Variants in ELP1 observed in about 807,000 individuals in gnomAD.
ELP1 encodes elongator acetyltransferase complex subunit 1, also known as elongator complex protein 1.
A neutral mutation model predicts 183.2 loss-of-function variants in ELP1; 131 were observed. That is an observed-to-expected ratio of 0.72 (90% CI 0.62 to 0.83). ELP1 has a LOEUF of 0.83. ELP1 is among the 40% of genes least tolerant of loss of function. ELP1 has a pLI of 0.00. For missense variants in ELP1, 1,550 were observed against 1,594.9 expected (o/e 0.97, Z 0.48); for synonymous variants, 555 against 569.0 (o/e 0.98, Z 0.35).
chr9:108,927,495 A>T (rs746146847), intron 3 of ELP1, 42 bp from the exon 4 acceptor site: 2 of 1,494,738 alleles, frequency 1.3e-6, no homozygotes, highest in Non-Finnish European at 1.9e-6. Flanking sequence ...AAACACTAGC[A>T]TCTCAGTAAA....
Position 108,934,087 on chromosome 9 carries a change from T to C in ELP1, c.-279A>G, listed in dbSNP as rs895110825. 3.9e-4 allele frequency: 77 copies of C among 195,604 alleles called. No homozygotes were observed. The highest frequency in any genetic ancestry group is 1.7e-3 in the African/African-American group (69 of 41,780). The allele number at this position is 195,604 out of a possible 1,614,324, so 12.1% of individuals were successfully genotyped here. ...CGCTGCAAAGAAGCCAGCGACTCAATGGGTGCGTCAACTAGGCAGCCGCAG... is the reference window on the plus strand; with the variant it reads ...CGCTGCAAAGAAGCCAGCGACTCAACGGGTGCGTCAACTAGGCAGCCGCAG... On this transcript the variant is annotated 5_prime_UTR_variant, in exon 1 of 37. Transcript: ENST00000374647.
rs752982596 is a variant in ELP1, at chr9:108,900,357, C to T, written c.2033G>A (p.Ser678Asn). ...ASFKTLQAGL[S>N]SNHVSHGEVL... ...TTCCCCATGGGACACATGATTGCTG[C>T]TCAGGCCGGCCTGTAATGCTAAACA... The change falls in exon 19 of 37, where the codon AGC (serine) becomes AAC (asparagine). Residue 678 changes from serine (S) to asparagine (N), a missense_variant. Transcript: ENST00000374647. The T allele has an allele frequency of 1.9e-6, 3 of 1,614,076 alleles. No individual in the cohort carries two copies. The highest frequency in any genetic ancestry group is 2.2e-5 in the East Asian group (1 of 44,882).
At position 108,900,008 on chromosome 9, in the gene ELP1, A is replaced by C. The variant is rs55969525; in HGVS notation, c.2131-113T>G. 59,165 of 925,228 alleles carry C rather than the reference A, an allele frequency of 0.064. 2,776 individuals carry two copies. The highest frequency in any genetic ancestry group is 0.2 in the African/African-American group (12,396 of 60,866). The allele number at this position is 925,228 out of a possible 1,614,324, so 57.3% of individuals were successfully genotyped here. On this transcript the variant is annotated intron_variant, in intron 19 of 36. Transcript: ENST00000374647. ...AGAATTACCACAACTCTCTAAAATC[A>C]GCACACTTTTAGCAGAATCTTGTTG... is the stretch of plus-strand genomic sequence containing the variant.
In ELP1 at chr9:108,878,021, T is replaced by A. The variant is rs753141812; in HGVS notation, c.3829A>T (p.Thr1277Ser). 1.9e-5 allele frequency: 30 copies of A among 1,614,094 alleles called. No homozygotes were observed. Among genetic ancestry groups the A allele is most frequent in the Non-Finnish European group, 2.5e-5 (30 of 1,180,040 alleles). ...ERSLPEIWTL[T>S]YQQNSATPVL... ...GGGGTAGCTGAATTCTGCTGGTAAG[T>A]AAGAGTCCAAATTTCTGGAAGTGAC... is the stretch of plus-strand genomic sequence containing the variant. Residue 1277 changes from threonine to serine, a missense_variant, in exon 35 of 37, where the codon ACT (threonine) becomes TCT (serine). By Grantham distance (58) the Thr-to-Ser change is moderately conservative. Coordinates refer to ENST00000374647, the MANE Select transcript of ELP1 (RefSeq NM_003640.5).
At position 108,929,906 on chromosome 9, in the gene ELP1, A is replaced by G; in HGVS notation, c.166T>C (p.Ser56Pro). Residue 56 changes from serine to proline, a missense_variant, in exon 3 of 37, where the codon TCT becomes CCT. Transcript: ENST00000374647. ...GGGAGAAAGCCTTCTGCCACCAAAG[A>G]AACTTCATTTTTCACCTTTCACCAA... ...PVSREVKNEV[S>P]LVAEGFLPED... 6 of 1,613,794 alleles carry G rather than the reference A, an allele frequency of 3.7e-6. No homozygotes were observed. The highest frequency in any genetic ancestry group is 5.1e-6 in the Non-Finnish European group (6 of 1,180,034).
At chr9:108,930,449 C>T (rs1461821900) in intron 2 of ELP1, among the ~76,000 whole-genome samples, 3 of 152,000 alleles carry the variant, frequency 2.0e-5, no homozygotes, top group Non-Finnish European at 2.9e-5. Context: ...CACTCTTGGC[C>T]GGGCGCTGAG....
At chr9:108,884,775 T>C (rs1828062012) in intron 29 of ELP1, among the ~76,000 whole-genome samples, 1 of 152,100 alleles carries the variant, frequency 6.6e-6, no homozygotes, top group East Asian at 1.9e-4. Flanking sequence ...TCATCTCAAA[T>C]CAATAGCTTT....
At chr9:108,877,921 A>G in intron 35 of ELP1, 74 bp downstream of exon 35, 2 of 1,503,414 alleles carry the variant, frequency 1.3e-6, no homozygotes, top group Admixed American at 1.7e-5. Flanking sequence ...AAACTTTTTG[A>G]CTTGGAGATT....
chr9:108,869,211 G>A, intron 36 of ELP1, 29 bp from the exon 37 acceptor site: 1 of 1,597,488 alleles, frequency 6.3e-7, no homozygotes, highest in Non-Finnish European at 8.6e-7. Flanking sequence ...GGGAAATTGT[G>A]ACAGACATAC....
intron 4 of ELP1, 62 bp from the exon 5 acceptor site, chr9:108,926,665 A>G: frequency 2.5e-6 from 3 of 1,187,722 alleles, no homozygotes. Context: ...ATTCCTAAGT[A>G]CCTATGGCAC....
intron 29 of ELP1, among the ~76,000 whole-genome samples, chr9:108,885,334 A>T (rs962904226): frequency 3.9e-5 from 6 of 152,144 alleles, no homozygotes; most frequent in African/African-American, 1.4e-4. Context: ...AAGACAGGAC[A>T]TCACCATAGA....
chr9:108,929,731 T>C (rs772286981), intron 3 of ELP1, 38 bp downstream of exon 3: 47 of 1,609,078 alleles, frequency 2.9e-5, no homozygotes, highest in Non-Finnish European at 3.7e-5. Context: ...TATTTGAGGA[T>C]GCTTGAGACT....
At chr9:108,924,059 C>G (rs1240269897) in intron 5 of ELP1, among the ~76,000 whole-genome samples, 1 of 152,146 alleles carries the variant, frequency 6.6e-6, no homozygotes, top group African/African-American at 2.4e-5. Context: ...TGGTGCAAAC[C>G]CCCAGGCTTC....
chr9:108,882,695 A>G (rs1028966928), intron 29 of ELP1, among the ~76,000 whole-genome samples: 2 of 151,360 alleles, frequency 1.3e-5, no homozygotes, highest in South Asian at 2.1e-4. Flanking sequence ...CCTGGCCCCA[A>G]GTGATCCTCC....
intron 16 of ELP1, 54 bp from the exon 17 acceptor site, chr9:108,901,735 C>G: frequency 6.6e-7 from 1 of 1,522,732 alleles, no homozygotes; most frequent in Non-Finnish European, 9.1e-7. Flanking sequence ...ATCAGTTAAA[C>G]CTACCTTTTC....
At chr9:108,876,149 G>C (rs10816754) in intron 35 of ELP1, among the ~76,000 whole-genome samples, 1 of 151,624 alleles carries the variant, frequency 6.6e-6, no homozygotes, top group Non-Finnish European at 1.5e-5. Context: ...TGTGGCATGC[G>C]CCTGTAGTCC....
At position 108,894,005 on chromosome 9, in the gene ELP1, C is replaced by A; in HGVS notation, c.2798G>T (p.Arg933Leu). ...TTTCAAGTATTTGTCTATAGTAAAC[C>A]GCTGATAATTAGTTTCCATTTTCTT... Reference protein sequence around the residue: ...TLKKMETNYQRFTIDKYLKRY... With the variant: ...TLKKMETNYQLFTIDKYLKRY... Residue 933 changes from arginine (R) to leucine (L), a missense_variant, in exon 26 of 37, where the codon CGG becomes CTG. Coordinates refer to ENST00000374647, the MANE Select transcript of ELP1 (RefSeq NM_003640.5). 4 of 1,602,268 alleles carry A rather than the reference C, an allele frequency of 2.5e-6. No homozygotes were observed. The highest frequency in any genetic ancestry group is 2.2e-5 in the East Asian group (1 of 44,770).
At position 108,906,433 on chromosome 9, in the gene ELP1, G is replaced by A. The variant is rs756159400; in HGVS notation, c.1513C>T (p.Leu505Phe). The change falls in exon 14 of 37, where the codon CTT (leucine) becomes TTT (phenylalanine). Residue 505 changes from leucine to phenylalanine, a missense_variant. By Grantham distance (22) the Leu-to-Phe change is conservative. Transcript: ENST00000374647. ...DQDVNPLKLG[L>F]LTWIEEDVFL... ...ACGTCTTCTTCAATCCAAGTGAGAA[G>A]GCCTAGTTTCAGCGGGTTTACATCT... The A allele has an allele frequency of 3.1e-6, 5 of 1,614,018 alleles. No individual in the cohort carries two copies. Among genetic ancestry groups the A allele is most frequent in the Non-Finnish European group, 4.2e-6 (5 of 1,179,908 alleles).
chr9:108,912,253 C>T lies in ELP1; in HGVS notation c.1189+11G>A, dbSNP rs751254105. 2 of 1,609,404 alleles carry T rather than the reference C, an allele frequency of 1.2e-6. No homozygotes were observed. The highest frequency in any genetic ancestry group is 2.2e-5 in the South Asian group (2 of 90,942). On this transcript the variant is annotated intron_variant, in intron 11 of 36. Coordinates refer to ENST00000374647, the MANE Select transcript of ELP1 (RefSeq NM_003640.5). ...CTTGCAGGCTCATGGACACACTTCCCAGGAGCTTACTTCCATCAATGACAG... is the reference window on the plus strand; with the variant it reads ...CTTGCAGGCTCATGGACACACTTCCTAGGAGCTTACTTCCATCAATGACAG...
Sources: allele counts gnomAD v4.1 joint callset (sites outside exome capture counted in the v4.1 genomes callset), GRCh38; gene constraint gnomAD v4.1.1; transcripts MANE v1.5; gene names NCBI Gene and HGNC (gene_info 2026-07-23, HGNC 2026-07-21).